Variants in CCT4 observed in about 807,000 individuals in gnomAD.
CCT4 encodes the protein chaperonin containing TCP1 subunit 4.
Under a neutral mutation model 62.5 loss-of-function variants are expected in CCT4, and 17 were observed. That is an observed-to-expected ratio of 0.27 (90% confidence interval 0.19 to 0.41). The LOEUF is 0.41. Ranked by LOEUF, CCT4 falls within the 10% of genes least tolerant of loss-of-function variation. CCT4 has a pLI of 1.00. For synonymous variants in CCT4, 250 were observed against 229.9 expected, an observed-to-expected ratio of 1.09 and a Z score of -0.79; for missense variants, 592 against 659.2, an observed-to-expected ratio of 0.90 and a Z score of 1.12.
intron 1 of CCT4, among the ~76,000 whole-genome samples, chr2:61,886,892 T>C (rs1270638695): frequency 6.6e-6 from 1 of 152,124 alleles, no homozygotes; most frequent in African/African-American, 2.4e-5. Context: ...CCCGAGTAGC[T>C]GGGACTACAG....
chr2:61,872,543 G>C lies in CCT4; in HGVS notation c.1171C>G (p.Arg391Gly). The change falls in exon 11 of 14, where the codon CGT becomes GGT. Residue 391 changes from arginine (R) to glycine (G), a missense_variant. Physicochemically the swap from Arg to Gly is moderately radical, Grantham distance 125. Transcript: ENST00000394440. ...SPGKTVTIVV[R>G]GSNKLVIEEA... ...TCAATCACCAGTTTGTTAGAACCAC[G>C]AACAACAATTGTAACTGTTTTTCCA... 6.2e-7 allele frequency: 1 copy of C among 1,613,684 alleles called. No homozygotes were observed. The highest frequency in any genetic ancestry group is 8.5e-7 in the Non-Finnish European group (1 of 1,179,650).
At chr2:61,871,056 G>A (rs1220958432) in intron 12 of CCT4, among the ~76,000 whole-genome samples, 2 of 149,084 alleles carry the variant, frequency 1.3e-5, no homozygotes, top group Non-Finnish European at 3.0e-5. Flanking sequence ...TTTTGAGACG[G>A]AGTCTCGCCC....
chr2:61,869,057 G>A (rs1220855779), intron 13 of CCT4, among the ~76,000 whole-genome samples: 6 of 148,242 alleles, frequency 4.0e-5, no homozygotes, highest in South Asian at 2.1e-4. Context: ...CAAGAGAATC[G>A]CTTGAACCCA....
intron 3 of CCT4, among the ~76,000 whole-genome samples, chr2:61,882,467 G>A (rs142394678): frequency 1.8e-3 from 276 of 151,606 alleles, no homozygotes; most frequent in Non-Finnish European, 3.0e-3. Context: ...ATAATCATAT[G>A]AAAGGAAAAA....
rs1366432058 is a variant in CCT4, at chr2:61,869,792, C to A, written c.1492-239G>T. 2.0e-5 allele frequency among the ~76,000 whole-genome samples: 3 copies of A among 151,762 alleles called. No homozygotes were observed. In the East Asian group the frequency reaches 5.9e-4, roughly 30 times the overall value. On this transcript the variant is annotated intron_variant, in intron 12 of 13. Coordinates refer to ENST00000394440, the MANE Select transcript of CCT4 (RefSeq NM_006430.4). ...CTAACTACAGGCGCCCACCACCATG[C>A]CCGGCTAATTTTTTGTATTTTTAGT...
In CCT4 at chr2:61,876,944, A is replaced by C. The variant is rs1470974928; in HGVS notation, c.753T>G (p.Phe251Leu). The C allele has an allele frequency of 6.2e-7, 1 of 1,613,090 alleles. No individual in the cohort carries two copies. The highest frequency in any genetic ancestry group is 8.5e-7 in the Non-Finnish European group (1 of 1,179,720). ...VEKAKIGLIQ[F>L]CLSAPKTDMD... ...CGTCTGTTTTGGGAGCAGATAAGCA[A>C]AACTGAATAAGCCCAATCTTGGCCT... Residue 251 changes from phenylalanine (F) to leucine (L), a missense_variant, in exon 7 of 14, where the codon TTT (phenylalanine) becomes TTG (leucine). Physicochemically the swap from Phe to Leu is conservative, Grantham distance 22 (BLOSUM62 0). This residue lies in a region of CCT4 where 522 missense variants were observed against 571.2 expected (regional missense o/e 0.91). Transcript: ENST00000394440.
chr2:61,878,765 T>C, intron 5 of CCT4, 104 bp downstream of exon 5: 1 of 714,108 alleles, frequency 1.4e-6, no homozygotes, highest in Non-Finnish European at 2.2e-6. Flanking sequence ...AACAGTTACC[T>C]AGCCACTCTT....
chr2:61,881,881 A>AT (rs11410360), intron 3 of CCT4, among the ~76,000 whole-genome samples: 25,189 of 151,294 alleles, frequency 0.17, 2,578 homozygotes, highest in Middle Eastern at 0.28. Flanking sequence ...AAAAAAAAAA[A>AT]ATTTTTTAAA....
intron 1 of CCT4, among the ~76,000 whole-genome samples, chr2:61,887,234 T>C (rs1238930270): frequency 1.3e-5 from 2 of 152,240 alleles, no homozygotes; most frequent in Non-Finnish European, 2.9e-5. Context: ...AGTTAGAAAC[T>C]ATTACTTTTT....
At chr2:61,877,679 T>C (rs942106512) in intron 5 of CCT4, among the ~76,000 whole-genome samples, 165 bp from the exon 6 acceptor site, 1 of 152,204 alleles carries the variant, frequency 6.6e-6, no homozygotes, top group Non-Finnish European at 1.5e-5. Context: ...GTCTTTTCCA[T>C]TCAGGTTGTC....
At chr2:61,882,808 GC>G in intron 3 of CCT4, among the ~76,000 whole-genome samples, 1 of 129,410 alleles carries the variant, frequency 7.7e-6, no homozygotes, top group African/African-American at 3.1e-5. Flanking sequence ...ACTGTGCCCA[GC>G]TTTTTTTTTT....
chr2:61,869,499 C>A lies in CCT4; in HGVS notation c.1546G>T (p.Val516Phe). 6.2e-7 allele frequency: 1 copy of A among 1,612,934 alleles called. No individual in the cohort carries two copies. Among genetic ancestry groups the A allele is most frequent in the Non-Finnish European group, 8.5e-7 (1 of 1,178,888 alleles). ...ELVVQPLLVS[V>F]SALTLATETV... is the part of the protein sequence containing the mutation. ...TCAGTTGCAAGAGTCAGAGCACTGA[C>A]TGATACCAACAGAGGCTGGACAACC... Residue 516 changes from valine to phenylalanine, a missense_variant, in exon 13 of 14, where the codon GTC (valine) becomes TTC (phenylalanine). Physicochemically the swap from Val to Phe is conservative, Grantham distance 50. Around this residue, in one of 3 missense-constraint regions of CCT4, gnomAD observed 522 missense variants for 571.2 expected, o/e 0.91. Coordinates refer to ENST00000394440, the MANE Select transcript of CCT4 (RefSeq NM_006430.4).
At chr2:61,878,088 C>A (rs78278789) in intron 5 of CCT4, among the ~76,000 whole-genome samples, 1 of 152,148 alleles carries the variant, frequency 6.6e-6, no homozygotes, top group Non-Finnish European at 1.5e-5. Flanking sequence ...GTAACCATTA[C>A]GCTATACTAT....
intron 3 of CCT4, among the ~76,000 whole-genome samples, chr2:61,882,055 T>C (rs1669129222): frequency 1.3e-5 from 2 of 151,916 alleles, no homozygotes; most frequent in South Asian, 4.2e-4. Context: ...TGTCTCTGCC[T>C]CCGAGTAGCT....
chr2:61,884,630 T>A (rs745412234), intron 2 of CCT4, among the ~76,000 whole-genome samples: 8 of 151,094 alleles, frequency 5.3e-5, no homozygotes, highest in Non-Finnish European at 8.8e-5. Context: ...ATTTTTATTT[T>A]ATTTATTTTT....
At chr2:61,885,200 C>A in intron 1 of CCT4, 128 bp from the exon 2 acceptor site, 1 of 571,350 alleles carries the variant, frequency 1.8e-6, no homozygotes. Context: ...CCTCAGCCTC[C>A]CAGAATAGCT....
rs915679087 is a variant in CCT4, at chr2:61,872,352, C to G, written c.1257-36G>C. On this transcript the variant is annotated intron_variant, in intron 11 of 13. Coordinates refer to ENST00000394440, the MANE Select transcript of CCT4 (RefSeq NM_006430.4). ...CAAATATATTTTTAGCTTATTTTAT[C>G]CAAAAGAAAATTATTTTTAATAATT... 3 of 1,471,920 alleles carry G rather than the reference C, an allele frequency of 2.0e-6. No homozygotes were observed. The African/African-American group carries it at 4.3e-5, about 21-fold the overall frequency. The allele number at this position is 1,471,920 out of a possible 1,614,324, so 91.2% of individuals were successfully genotyped here.
At chr2:61,870,767 A>G (rs1668867276) in intron 12 of CCT4, among the ~76,000 whole-genome samples, 1 of 151,992 alleles carries the variant, frequency 6.6e-6, no homozygotes, top group Non-Finnish European at 1.5e-5. Flanking sequence ...AAAAAATACA[A>G]AAAAATTAGC....
intron 1 of CCT4, among the ~76,000 whole-genome samples, chr2:61,886,650 T>G (rs1301439629): frequency 3.3e-5 from 5 of 152,192 alleles, no homozygotes; most frequent in Admixed American, 6.5e-5. Context: ...ATGCACACCC[T>G]CCTCTGTTGT....
Sources: gnomAD v4.1 joint callset for allele counts (sites outside exome capture counted in the v4.1 genomes callset) on GRCh38, gnomAD v4.1.1 for gene constraint, gnomAD v4.1.1 regional missense constraint, MANE v1.5 for transcripts, NCBI Gene and HGNC (gene_info 2026-07-23, HGNC 2026-07-21) for gene names.